The following GRXCR1 variants were observed in gnomAD, a reference collection of about 807,000 sequenced individuals.
GRXCR1 encodes glutaredoxin domain-containing cysteine-rich protein 1.
GRXCR1 carries 27 observed loss-of-function variants against 27.3 expected under a neutral mutation model. The observed-to-expected ratio is 0.99, with a 90% CI of 0.73 to 1.37. The LOEUF is 1.37. Ranked by LOEUF, GRXCR1 falls within the 40% of genes most tolerant of loss-of-function variation. The probability of loss-of-function intolerance (pLI) is 0.00; values close to 1 mark genes in which losing one functional copy is unlikely to be tolerated. For synonymous variants in GRXCR1, 122 were observed against 131.1 expected, an observed-to-expected ratio of 0.93 and a Z score of 0.47; for missense variants, 379 against 354.4, an observed-to-expected ratio of 1.07 and a Z score of -0.56.
At chr4:42,902,935 G>C (rs921880938) in intron 1 of GRXCR1, among the ~76,000 whole-genome samples, 1 of 152,164 alleles carries the variant, frequency 6.6e-6, no homozygotes, top group Non-Finnish European at 1.5e-5. Context: ...TCCCCAAGGG[G>C]TCATCTTAAT....
In GRXCR1 at chr4:42,893,456, G is replaced by T. The variant is rs370551174; in HGVS notation, c.190G>T (p.Gly64Cys). The T allele has an allele frequency of 6.2e-7, 1 of 1,613,890 alleles. No individual in the cohort carries two copies. The highest frequency in any genetic ancestry group is 1.7e-5 in the Admixed American group (1 of 59,984). ...GLGDSDGQQN[G>C]HIESEGDENE... Reference sequence around the variant, plus strand: ...AGGTGATTCCGATGGACAGCAGAATGGCCACATAGAGTCAGAAGGTGATGA... The same window carrying T: ...AGGTGATTCCGATGGACAGCAGAATTGCCACATAGAGTCAGAAGGTGATGA... The change falls in exon 1 of 4, where the codon GGC becomes TGC. Residue 64 changes from glycine to cysteine, a missense_variant. Gly to Cys is a radical substitution (Grantham distance 159, BLOSUM62 -3). Coordinates refer to ENST00000399770, the MANE Select transcript of GRXCR1 (RefSeq NM_001080476.3).
chr4:43,021,653 G>A (rs541911309), intron 3 of GRXCR1, among the ~76,000 whole-genome samples: 53 of 152,190 alleles, frequency 3.5e-4, no homozygotes, highest in Middle Eastern at 3.4e-3. Context: ...AGTTTTTGTC[G>A]TAATACAAAC....
intron 2 of GRXCR1, among the ~76,000 whole-genome samples, chr4:43,001,142 C>A (rs528987463): frequency 1.3e-5 from 2 of 151,208 alleles, no homozygotes; most frequent in South Asian, 4.2e-4. Context: ...ACCATGTCAA[C>A]TTCTATCTTT....
Position 43,030,398 on chromosome 4 carries a change from G to A in GRXCR1, c.731G>A (p.Gly244Asp). 3.1e-6 allele frequency: 5 copies of A among 1,614,042 alleles called. No individual in the cohort carries two copies. Among genetic ancestry groups the A allele is most frequent in the African/African-American group, 2.7e-5 (2 of 75,008 alleles). The change falls in exon 4 of 4, where the codon GGC becomes GAC. Residue 244 changes from glycine to aspartate, a missense_variant. By Grantham distance (94) the Gly-to-Asp change is moderately conservative. Coordinates refer to ENST00000399770, the MANE Select transcript of GRXCR1 (RefSeq NM_001080476.3). ...CCACATGAGTGTCCCTCTTGTGGAG[G>A]CTTTGGCTTTCTTCCATGCTCCGTG... ...QHPHECPSCG[G>D]FGFLPCSVCH...
intron 2 of GRXCR1, among the ~76,000 whole-genome samples, chr4:42,981,468 T>C (rs1297271506): frequency 6.6e-6 from 1 of 152,200 alleles, no homozygotes; most frequent in Non-Finnish European, 1.5e-5. Flanking sequence ...AAGATATAAG[T>C]GATGTACAAA....
At chr4:42,922,894 G>C (rs982762017) in intron 1 of GRXCR1, among the ~76,000 whole-genome samples, 2 of 151,954 alleles carry the variant, frequency 1.3e-5, no homozygotes. Context: ...TCCTCCTCTG[G>C]CTTCACAGTG....
chr4:42,998,182 G>C (rs1712236294), intron 2 of GRXCR1, among the ~76,000 whole-genome samples: 1 of 152,074 alleles, frequency 6.6e-6, no homozygotes, highest in South Asian at 2.1e-4. Flanking sequence ...GTTTAAAACA[G>C]GGCCTTCTGA....
chr4:43,000,357 T>A (rs1315238779), intron 2 of GRXCR1, among the ~76,000 whole-genome samples: 5 of 151,228 alleles, frequency 3.3e-5, no homozygotes, highest in African/African-American at 9.7e-5. Flanking sequence ...ACACCTGTAA[T>A]CCCAGCTACT....
intron 2 of GRXCR1, among the ~76,000 whole-genome samples, chr4:42,987,228 A>ATTATATATATATAT (rs1553943918): frequency 1.3e-3 from 118 of 91,918 alleles, no homozygotes; most frequent in Non-Finnish European, 2.2e-3. Flanking sequence ...TATATTATAT[A>ATTATATATATATAT]TTATATATAT....
intron 2 of GRXCR1, among the ~76,000 whole-genome samples, chr4:42,996,758 A>G (rs1712174200): frequency 6.6e-6 from 1 of 152,102 alleles, no homozygotes; most frequent in South Asian, 2.1e-4. Flanking sequence ...TTCCATCTAT[A>G]AAGGAAGATT....
At chr4:43,021,932 G>T (rs1473352896) in intron 3 of GRXCR1, among the ~76,000 whole-genome samples, 1 of 152,096 alleles carries the variant, frequency 6.6e-6, no homozygotes, top group Non-Finnish European at 1.5e-5. Flanking sequence ...CTGGCTGTGT[G>T]ACTTTGGGCA....
At chr4:43,004,169 T>C (rs576722889) in intron 2 of GRXCR1, among the ~76,000 whole-genome samples, 2 of 152,240 alleles carry the variant, frequency 1.3e-5, no homozygotes, top group African/African-American at 4.8e-5. Context: ...CAACCATTGC[T>C]TCAGAGGTTT....
At chr4:42,998,085 T>C (rs1005142679) in intron 2 of GRXCR1, among the ~76,000 whole-genome samples, 2 of 152,214 alleles carry the variant, frequency 1.3e-5, no homozygotes, top group African/African-American at 4.8e-5. Context: ...ATGCAATTAT[T>C]ACCCCCATTT....
chr4:42,893,424 A>T lies in GRXCR1; in HGVS notation c.158A>T (p.Asp53Val), dbSNP rs368487796. Reference protein sequence around the residue: ...DSECASICGIDGLGDSDGQQN... With the variant: ...DSECASICGIVGLGDSDGQQN... Reference sequence around the variant, plus strand: ...GAATGTGCCAGTATCTGTGGGATAGATGGACTAGGTGATTCCGATGGACAG... The same window carrying T: ...GAATGTGCCAGTATCTGTGGGATAGTTGGACTAGGTGATTCCGATGGACAG... The change falls in exon 1 of 4, where the codon GAT becomes GTT. Residue 53 changes from aspartate (D) to valine (V), a missense_variant. Coordinates refer to ENST00000399770, the MANE Select transcript of GRXCR1 (RefSeq NM_001080476.3). 8.1e-6 allele frequency: 13 copies of T among 1,613,742 alleles called. No individual in the cohort carries two copies. The highest frequency in any genetic ancestry group is 8.0e-5 in the African/African-American group (6 of 74,892).
intron 2 of GRXCR1, among the ~76,000 whole-genome samples, chr4:43,012,406 T>A (rs1406897563): frequency 6.6e-6 from 1 of 152,214 alleles, no homozygotes; most frequent in Non-Finnish European, 1.5e-5. Flanking sequence ...TGTTTTTTTC[T>A]ATTACATTCT....
intron 1 of GRXCR1, among the ~76,000 whole-genome samples, chr4:42,924,657 C>T (rs1290389507): frequency 2.0e-5 from 3 of 152,068 alleles, no homozygotes; most frequent in Admixed American, 6.6e-5. Context: ...GCTGTGTATA[C>T]AGCAGAAACT....
chr4:42,953,034 C>A (rs2109770066), intron 1 of GRXCR1, among the ~76,000 whole-genome samples: 1 of 152,262 alleles, frequency 6.6e-6, no homozygotes, highest in South Asian at 2.1e-4. Flanking sequence ...GCATTCTAGT[C>A]TTACACATCA....
chr4:43,016,159 G>T (rs1560689187), intron 2 of GRXCR1, among the ~76,000 whole-genome samples: 1 of 152,124 alleles, frequency 6.6e-6, no homozygotes, highest in Non-Finnish European at 1.5e-5. Flanking sequence ...AAAATAGATT[G>T]CTTATGCCAT....
intron 1 of GRXCR1, among the ~76,000 whole-genome samples, chr4:42,938,982 C>T (rs531657660): frequency 5.9e-5 from 9 of 151,968 alleles, no homozygotes; most frequent in Admixed American, 1.3e-4. Context: ...ATGGCTTTGA[C>T]TATTCTGGGT....
Sources: gnomAD v4.1 joint callset for allele counts (sites outside exome capture counted in the v4.1 genomes callset) on GRCh38, gnomAD v4.1.1 for gene constraint, MANE v1.5 for transcripts, NCBI Gene and HGNC (gene_info 2026-07-23, HGNC 2026-07-21) for gene names.